HERC4: variants seen among roughly 807,000 people sequenced by gnomAD.
HERC4 encodes the protein HECT and RLD domain containing E3 ubiquitin protein ligase 4.
In HERC4, 28 loss-of-function variants were observed where a neutral mutation model predicts 124.3. The observed-to-expected ratio is 0.23, with a 90% CI of 0.17 to 0.31. HERC4 has a LOEUF of 0.31. Ranked by LOEUF, HERC4 falls within the 10% of genes least tolerant of loss-of-function variation. The pLI is 1.00. For missense variants in HERC4, 713 were observed against 1,229.3 expected (o/e 0.58, Z 6.28); for synonymous variants, 407 against 421.5 (o/e 0.97, Z 0.42).
chr10:67,943,649 G>C (rs1418555151), intron 19 of HERC4, among the ~76,000 whole-genome samples: 3 of 152,220 alleles, frequency 2.0e-5, no homozygotes, highest in Non-Finnish European at 4.4e-5. Flanking sequence ...ATCTGAGACA[G>C]CTGATAGTTA....
intron 8 of HERC4, among the ~76,000 whole-genome samples, chr10:68,023,570 G>T (rs2038753375): frequency 6.6e-6 from 1 of 152,148 alleles, no homozygotes; most frequent in Non-Finnish European, 1.5e-5. Flanking sequence ...GGGAGTCATT[G>T]TTTAATGGGT....
rs187513971 is a variant in HERC4, at chr10:68,059,669, T to A, written c.226+13214A>T. Among the ~76,000 whole-genome samples, 15 of 69,496 alleles carry A rather than the reference T, an allele frequency of 2.2e-4. 3 individuals are homozygous for A. Among genetic ancestry groups the A allele is most frequent in the South Asian group, 8.4e-4 (2 of 2,374 alleles). The allele number at this position is 69,496 out of a possible 152,430, so 45.6% of individuals were successfully genotyped here. A position where few individuals can be genotyped will look rare whatever the true frequency, so the allele number is the denominator to read the frequency against. ...TTATATTATATATCATATTATATAT[T>A]ATATTATATATCATAATATTATATA... On this transcript the variant is annotated intron_variant, in intron 3 of 24. Transcript: ENST00000373700.
chr10:67,927,428 A>ATTTTT (rs2031228886), intron 23 of HERC4, among the ~76,000 whole-genome samples: 1 of 25,630 alleles, frequency 3.9e-5, no homozygotes, highest in African/African-American at 6.6e-5. Context: ...ATATATATAT[A>ATTTTT]TATTTTTTTT....
At chr10:67,946,043 A>T (rs1026986095) in intron 19 of HERC4, among the ~76,000 whole-genome samples, 1 of 152,100 alleles carries the variant, frequency 6.6e-6, no homozygotes, top group East Asian at 1.9e-4. Context: ...ACTTGAGCCC[A>T]GGAATTTGAG....
intron 19 of HERC4, among the ~76,000 whole-genome samples, chr10:67,947,974 C>G (rs1020087200): frequency 1.3e-5 from 2 of 151,164 alleles, no homozygotes; most frequent in African/African-American, 4.9e-5. Context: ...CAGGCATGAG[C>G]CACCATGCCC....
chr10:67,980,585 T>C (rs184769301), intron 15 of HERC4, among the ~76,000 whole-genome samples: 4 of 152,218 alleles, frequency 2.6e-5, no homozygotes, highest in Admixed American at 6.5e-5. Context: ...TAAAACTCAA[T>C]AGTATACAGA....
chr10:67,954,853 A>G, intron 18 of HERC4, 110 bp downstream of exon 18: 2 of 1,199,446 alleles, frequency 1.7e-6, no homozygotes, highest in Non-Finnish European at 2.2e-6. Flanking sequence ...TTTAAAATAA[A>G]TATAATTTTA....
At chr10:68,068,839 C>A (rs2041429622) in intron 3 of HERC4, 3 of 155,338 alleles carry the variant, frequency 1.9e-5, no homozygotes, top group Admixed American at 6.6e-5. Flanking sequence ...AGCCAAGTGA[C>A]CCTATTAGTC....
chr10:68,060,275 T>G (rs763235747), intron 3 of HERC4, among the ~76,000 whole-genome samples: 31 of 152,048 alleles, frequency 2.0e-4, no homozygotes, highest in African/African-American at 7.0e-4. Context: ...CAGACTGGAG[T>G]GCAGTGACAC....
intron 9 of HERC4, among the ~76,000 whole-genome samples, chr10:68,006,432 T>C (rs2133025192): frequency 6.6e-6 from 1 of 151,290 alleles, no homozygotes; most frequent in East Asian, 1.9e-4. Flanking sequence ...AGTGCAATGG[T>C]GCGATCTCAG....
chr10:67,948,514 T>TA (rs1218200179), intron 19 of HERC4, among the ~76,000 whole-genome samples: 1 of 151,794 alleles, frequency 6.6e-6, no homozygotes, highest in Non-Finnish European at 1.5e-5. Context: ...AATAAAAAAA[T>TA]AAAAAAACAG....
chr10:67,976,909 C>T (rs1170268892), intron 15 of HERC4, among the ~76,000 whole-genome samples: 2 of 152,206 alleles, frequency 1.3e-5, no homozygotes, highest in Admixed American at 6.5e-5. Flanking sequence ...ATGTGAGTTC[C>T]TGCAAGCCTC....
chr10:68,059,027 T>C (rs1162606216), intron 3 of HERC4, among the ~76,000 whole-genome samples: 1 of 152,122 alleles, frequency 6.6e-6, no homozygotes. Flanking sequence ...ATAAAGCAAA[T>C]GCAAGTGTGT....
chr10:67,944,406 T>A (rs1199097536), intron 19 of HERC4, among the ~76,000 whole-genome samples: 1 of 152,246 alleles, frequency 6.6e-6, no homozygotes, highest in Non-Finnish European at 1.5e-5. Flanking sequence ...CTAATGCAGA[T>A]ATGGCTGCAA....
At chr10:67,991,269 G>C in intron 11 of HERC4, 70 bp from the exon 12 acceptor site, 1 of 815,708 alleles carries the variant, frequency 1.2e-6, no homozygotes, top group Admixed American at 2.9e-5. Flanking sequence ...TCTTAAAAAA[G>C]AATTAAAATG....
chr10:68,029,200 C>T (rs1034488034), intron 7 of HERC4, among the ~76,000 whole-genome samples: 2 of 151,902 alleles, frequency 1.3e-5, no homozygotes, highest in Admixed American at 1.3e-4. Context: ...TTACAGAATG[C>T]AGTTTAAGGG....
At chr10:68,042,451 C>G (rs2039818593) in intron 4 of HERC4, among the ~76,000 whole-genome samples, 1 of 152,198 alleles carries the variant, frequency 6.6e-6, no homozygotes, top group African/African-American at 2.4e-5. Context: ...TGGTGAAACT[C>G]TGTCTCTACA....
chr10:67,999,635 C>T (rs957004963), intron 9 of HERC4, among the ~76,000 whole-genome samples: 1 of 152,188 alleles, frequency 6.6e-6, no homozygotes, highest in African/African-American at 2.4e-5. Context: ...CATGAAACTG[C>T]TAACCCAAGG....
intron 19 of HERC4, among the ~76,000 whole-genome samples, chr10:67,946,615 A>G (rs1362208251): frequency 6.6e-6 from 1 of 152,124 alleles, no homozygotes; most frequent in Non-Finnish European, 1.5e-5. Flanking sequence ...AGATATAACA[A>G]TTACAAATAT....
Sources: allele counts gnomAD v4.1 joint callset (sites outside exome capture counted in the v4.1 genomes callset), GRCh38; gene constraint gnomAD v4.1.1; transcripts MANE v1.5; gene names NCBI Gene and HGNC (gene_info 2026-07-23, HGNC 2026-07-21).